BBS2: variants seen among roughly 807,000 people sequenced by gnomAD.
The protein encoded by BBS2 is BBSome complex member BBS2.
In BBS2, 62 loss-of-function variants were observed where a neutral mutation model predicts 83.0. That is an observed-to-expected ratio of 0.75 (90% CI 0.61 to 0.92). The LOEUF (loss-of-function observed/expected upper bound fraction) is 0.92. BBS2 is among the 40% of genes least tolerant of loss of function. The pLI is 0.00. For missense variants in BBS2, 784 were observed against 901.0 expected, an observed-to-expected ratio of 0.87 and a Z score of 1.66; for synonymous variants, 303 against 326.1, an observed-to-expected ratio of 0.93 and a Z score of 0.76.
intron 15 of BBS2, among the ~76,000 whole-genome samples, chr16:56,495,805 T>C (rs1205015913): frequency 6.6e-6 from 1 of 151,702 alleles, no homozygotes; most frequent in Admixed American, 6.6e-5. Context: ...TATATGTATA[T>C]ATATATATAT....
At chr16:56,488,038 G>GA (rs1396152953) in intron 15 of BBS2, among the ~76,000 whole-genome samples, 1 of 152,136 alleles carries the variant, frequency 6.6e-6, no homozygotes, top group Admixed American at 6.5e-5. Context: ...TAATGCCACT[G>GA]AACCGTACAC....
intron 14 of BBS2, chr16:56,497,376 G>T: frequency 2.0e-6 from 1 of 506,970 alleles, no homozygotes; most frequent in Non-Finnish European, 3.6e-6. Flanking sequence ...ATACTTTGGG[G>T]CCAATCAGAA....
downstream of BBS2, among the ~76,000 whole-genome samples, chr16:56,479,737 C>A (rs1238711643): frequency 5.3e-5 from 8 of 152,230 alleles, no homozygotes; most frequent in Non-Finnish European, 7.3e-5. Context: ...GTAGCTGGCA[C>A]ACCTTGCTGG....
chr16:56,505,935 GCTATTCAAACTTAC>G lies in BBS2; in HGVS notation c.804+1_804+14del, dbSNP rs1202682571. The G allele has an allele frequency of 3.8e-6, 6 of 1,595,708 alleles. No homozygotes were observed. Among genetic ancestry groups the G allele is most frequent in the Non-Finnish European group, 5.2e-6 (6 of 1,164,180 alleles). On this transcript the variant is annotated splice_donor_variant and splice_donor_5th_base_variant and intron_variant, in intron 7 of 16. Transcript: ENST00000245157. LOFTEE classifies it high-confidence loss of function. ...CTACTCTGAATTATACCTGAACTTT[GCTATTCAAACTTAC>G]CTTCCCATTGGACCAACCAGTTATC...
intron 17 of BBS2, among the ~76,000 whole-genome samples, chr16:56,472,741 G>A (rs1456539146): frequency 4.6e-5 from 7 of 152,050 alleles, no homozygotes; most frequent in African/African-American, 1.4e-4. Context: ...ATACACATAT[G>A]GGGGGTATAT....
Position 56,510,886 on chromosome 16 carries a change from A to C in BBS2, c.507T>G (p.Cys169Trp). 6.2e-7 allele frequency: 1 copy of C among 1,614,204 alleles called. No homozygotes were observed. Among genetic ancestry groups the C allele is most frequent in the South Asian group, 1.1e-5 (1 of 91,088 alleles). ...TGDNVNSLAL[C>W]DFDGDGKKEL... ...CTTTCTTTCCATCACCATCAAAGTC[A>C]CACAAGGCCAAGGAATTAACATTGT... The change falls in exon 4 of 17, where the codon TGT becomes TGG. Residue 169 changes from cysteine (C) to tryptophan (W), a missense_variant. Coordinates refer to ENST00000245157, the MANE Select transcript of BBS2 (RefSeq NM_031885.5).
Position 56,497,758 on chromosome 16 carries a change from T to A in BBS2, c.1782A>T (p.Arg594=). 6.2e-7 allele frequency: 1 copy of A among 1,613,516 alleles called. No homozygotes were observed. The highest frequency in any genetic ancestry group is 8.5e-7 in the Non-Finnish European group (1 of 1,179,870). The part of the protein sequence containing the change: ...ADFPVYFEEL[R]KVLVKVDEYH... Reference sequence around the variant, plus strand: ...ATTCCCTCACCTTAACTAGCACCTTTCGTAATTCCTCAAAATAGACAGGAA... The same window carrying A: ...ATTCCCTCACCTTAACTAGCACCTTACGTAATTCCTCAAAATAGACAGGAA... The change falls in exon 14 of 17, where the codon CGA becomes CGT. Residue 594 remains arginine (R), a synonymous_variant. Coordinates refer to ENST00000245157, the MANE Select transcript of BBS2 (RefSeq NM_031885.5).
At chr16:56,482,478 T>TAG (rs1963679337), downstream of BBS2, among the ~76,000 whole-genome samples, 1 of 152,146 alleles carries the variant, frequency 6.6e-6, no homozygotes, top group Non-Finnish European at 1.5e-5. Context: ...CGATGATACT[T>TAG]TACTACTTTG....
intron 17 of BBS2, among the ~76,000 whole-genome samples, chr16:56,471,268 G>A (rs758187222): frequency 3.3e-5 from 5 of 151,792 alleles, no homozygotes; most frequent in Admixed American, 6.6e-5. Context: ...AGGCTGAGGT[G>A]GAAGAATCAC....
chr16:56,509,945 G>C lies in BBS2; in HGVS notation c.612+12C>G. The C allele has an allele frequency of 6.2e-7, 1 of 1,613,398 alleles. No homozygotes were observed. The highest frequency in any genetic ancestry group is 2.2e-5 in the East Asian group (1 of 44,860). ...GCTCAAGGTTACCATAGTTCGAGGT[G>C]GAGCTTCTTACCTCTGTTTCTGTCA... On this transcript the variant is annotated intron_variant, in intron 5 of 16. Transcript: ENST00000245157.
At chr16:56,490,127 C>G (rs528845594) in intron 15 of BBS2, among the ~76,000 whole-genome samples, 2 of 125,464 alleles carry the variant, frequency 1.6e-5, no homozygotes, top group East Asian at 5.0e-4. Context: ...CACACACACA[C>G]GCACACACAC....
At chr16:56,484,266 A>T (rs1963714098), downstream of BBS2, 1 of 160,814 alleles carries the variant, frequency 6.2e-6, no homozygotes, top group Non-Finnish European at 1.4e-5. Context: ...CTGGCCTCCC[A>T]AAGTGCTAGA....
At chr16:56,480,568 T>G (rs763418668), downstream of BBS2, among the ~76,000 whole-genome samples, 4 of 152,076 alleles carry the variant, frequency 2.6e-5, no homozygotes, top group Non-Finnish European at 5.9e-5. Flanking sequence ...TTTTTGTATT[T>G]TTAGTAGAGA....
rs1298944249 is a variant in BBS2, at chr16:56,502,740, A to T, written c.873T>A (p.Gly291=). The change falls in exon 8 of 17, where the codon GGT becomes GGA. Residue 291 remains glycine, a synonymous_variant. Transcript: ENST00000245157. ...CCATCCGGTAATCTCCCTCTACCAC[A>T]CCGGCAATTGCAGAAGAAAAATTGT... ...FKDNFSSAIA[G]VVEGDYRMDG... The T allele has an allele frequency of 6.2e-6, 10 of 1,613,994 alleles. No individual in the cohort carries two copies. The highest frequency in any genetic ancestry group is 8.5e-6 in the Non-Finnish European group (10 of 1,180,030).
intron 15 of BBS2, among the ~76,000 whole-genome samples, chr16:56,491,961 CTG>C (rs1334829602): frequency 6.6e-6 from 1 of 151,678 alleles, no homozygotes; most frequent in Non-Finnish European, 1.5e-5. Context: ...TGTAGAGAAA[CTG>C]GAACCCTTGT....
At chr16:56,508,034 G>T (rs1290786023) in intron 5 of BBS2, among the ~76,000 whole-genome samples, 1 of 152,052 alleles carries the variant, frequency 6.6e-6, no homozygotes, top group Non-Finnish European at 1.5e-5. Context: ...GCTCCTTTTG[G>T]CACCCATTTC....
Position 56,505,933 on chromosome 16 carries a change from T to G in BBS2, c.804+17A>C, listed in dbSNP as rs1251878242. 1 of 1,594,466 alleles carries G rather than the reference T, an allele frequency of 6.3e-7. No individual in the cohort carries two copies. The highest frequency in any genetic ancestry group is 1.7e-5 in the Admixed American group (1 of 59,998). On this transcript the variant is annotated intron_variant, in intron 7 of 16. Transcript: ENST00000245157. ...TACTACTCTGAATTATACCTGAACT[T>G]TGCTATTCAAACTTACCTTCCCATT...
At chr16:56,470,476 C>T in exon 18 of BBS2, 1 of 1,589,770 alleles carries the variant, frequency 6.3e-7, no homozygotes, top group South Asian at 1.2e-5. Context: ...CTTGACATTG[C>T]TGTTTTTCAG....
At chr16:56,518,432 TAA>T (rs1964812948) in intron 1 of BBS2, among the ~76,000 whole-genome samples, 1 of 152,182 alleles carries the variant, frequency 6.6e-6, no homozygotes, top group Non-Finnish European at 1.5e-5. Flanking sequence ...GTGAGAACCA[TAA>T]AAAGAAAATA....
Sources: gnomAD v4.1 joint callset for allele counts (sites outside exome capture counted in the v4.1 genomes callset) on GRCh38, gnomAD v4.1.1 for gene constraint, MANE v1.5 for transcripts, NCBI Gene and HGNC (gene_info 2026-07-23, HGNC 2026-07-21) for gene names.